The following ZBTB20 variants were observed in gnomAD, a reference collection of about 807,000 sequenced individuals.
The protein encoded by ZBTB20 is zinc finger and BTB domain containing 20.
Under a neutral mutation model 56.9 loss-of-function variants are expected in ZBTB20, and 9 were observed. That is an observed-to-expected ratio of 0.16 (90% CI 0.10 to 0.28). The LOEUF (loss-of-function observed/expected upper bound fraction) is 0.28, where lower values mean the gene tolerates loss of function less well. Among genes scored for constraint, ZBTB20 ranks in the 10% least tolerant of loss-of-function variants. The pLI, the probability that ZBTB20 is intolerant of heterozygous loss-of-function variation, is 1.00. For synonymous variants in ZBTB20, 417 were observed against 420.7 expected, an observed-to-expected ratio of 0.99 and a Z score of 0.11; for missense variants, 655 against 1,003.0, an observed-to-expected ratio of 0.65 and a Z score of 4.69.
intron 2 of ZBTB20, among the ~76,000 whole-genome samples, chr3:114,995,446 G>T (rs2078986576): frequency 6.6e-6 from 1 of 151,750 alleles, no homozygotes; most frequent in Non-Finnish European, 1.5e-5. Context: ...GTTACTGTTA[G>T]ACCTGCTTTT....
chr3:114,701,640 C>T (rs150345862), intron 5 of ZBTB20, among the ~76,000 whole-genome samples: 2 of 152,158 alleles, frequency 1.3e-5, no homozygotes, highest in East Asian at 3.9e-4. Flanking sequence ...GGAAACAGAG[C>T]TAATTTAAAA....
At chr3:115,069,379 G>A (rs1383165411) in intron 2 of ZBTB20, among the ~76,000 whole-genome samples, 1 of 152,094 alleles carries the variant, frequency 6.6e-6, no homozygotes, top group Admixed American at 6.6e-5. Context: ...GAAACACGTT[G>A]GCTAGATCTA....
chr3:114,640,739 A>G (rs1432590063), intron 6 of ZBTB20, among the ~76,000 whole-genome samples: 2 of 152,066 alleles, frequency 1.3e-5, no homozygotes, highest in Non-Finnish European at 2.9e-5. Context: ...ATTAAAGTAG[A>G]CTCTATTGGC....
chr3:114,379,854 G>A (rs2084098228), intron 10 of ZBTB20, among the ~76,000 whole-genome samples: 1 of 152,144 alleles, frequency 6.6e-6, no homozygotes, highest in South Asian at 2.1e-4. Flanking sequence ...GTGTCTAACT[G>A]GCCTTCTGAG....
At chr3:114,515,547 C>A (rs1053874719) in intron 6 of ZBTB20, among the ~76,000 whole-genome samples, 1 of 152,124 alleles carries the variant, frequency 6.6e-6, no homozygotes, top group Non-Finnish European at 1.5e-5. Context: ...AGTCAGTTTC[C>A]TTTTTCACTC....
chr3:114,857,285 C>T (rs1468226513), intron 4 of ZBTB20, among the ~76,000 whole-genome samples: 1 of 152,206 alleles, frequency 6.6e-6, no homozygotes, highest in Admixed American at 6.5e-5. Context: ...CTTCTAAGTG[C>T]TCTCTACCTA....
chr3:114,477,191 T>C (rs924570303), intron 7 of ZBTB20, among the ~76,000 whole-genome samples: 2 of 152,244 alleles, frequency 1.3e-5, no homozygotes, highest in African/African-American at 4.8e-5. Context: ...GCACCATTTC[T>C]ATCTCCAGGC....
chr3:114,961,988 T>C (rs905600890), intron 3 of ZBTB20, among the ~76,000 whole-genome samples: 2 of 152,148 alleles, frequency 1.3e-5, no homozygotes, highest in South Asian at 2.1e-4. Flanking sequence ...ACGGGAAAAA[T>C]GAAGGATAGA....
At chr3:115,069,822 G>A (rs571483919) in intron 2 of ZBTB20, among the ~76,000 whole-genome samples, 77 of 149,476 alleles carry the variant, frequency 5.2e-4, no homozygotes, top group African/African-American at 1.7e-3. Context: ...ATTGCTCTAT[G>A]TACTATACAT....
chr3:114,518,338 C>CCCTAATCT (rs1312154824), intron 6 of ZBTB20, among the ~76,000 whole-genome samples: 1 of 151,834 alleles, frequency 6.6e-6, no homozygotes, highest in Non-Finnish European at 1.5e-5. Flanking sequence ...GAAAAAAAAC[C>CCCTAATCT]CCTAATCTCA....
At chr3:114,807,844 CT>C (rs2072231765) in intron 4 of ZBTB20, among the ~76,000 whole-genome samples, 1 of 152,066 alleles carries the variant, frequency 6.6e-6, no homozygotes, top group Non-Finnish European at 1.5e-5. Context: ...GATAAATCCT[CT>C]GTGGTCAGCA....
At chr3:114,355,367 T>C (rs1223904012) in intron 10 of ZBTB20, among the ~76,000 whole-genome samples, 1 of 152,116 alleles carries the variant, frequency 6.6e-6, no homozygotes, top group East Asian at 1.9e-4. Flanking sequence ...ACATGCCTGG[T>C]TGAATTTTAT....
intron 6 of ZBTB20, among the ~76,000 whole-genome samples, chr3:114,568,751 G>T (rs192054626): frequency 2.0e-5 from 3 of 152,342 alleles, no homozygotes; most frequent in Admixed American, 2.0e-4. Context: ...TGAATGACCT[G>T]AATGCAAGCC....
At position 114,970,741 on chromosome 3, in the gene ZBTB20, G is replaced by A. The variant is rs370484014; in HGVS notation, c.-456+3625C>T. Among the ~76,000 whole-genome samples the A allele has an allele frequency of 6.6e-5, 10 of 152,176 alleles. No homozygotes were observed. The East Asian group carries it at 9.7e-4, about 15-fold the overall frequency. ...GCTTAAAAGAAATAATGCAGCCGGG[G>A]GCGGTGGCTCACGCCTGTAATCCCA... On this transcript the variant is annotated intron_variant, in intron 3 of 11. Coordinates refer to ENST00000675478, the MANE Select transcript of ZBTB20 (RefSeq NM_001348800.3).
Position 115,133,245 on chromosome 3 carries a change from T to C in ZBTB20, c.-703+13974A>G, listed in dbSNP as rs185042843. 9.8e-5 allele frequency among the ~76,000 whole-genome samples: 15 copies of C among 152,316 alleles called. No homozygotes were observed. The East Asian group carries it at 2.9e-3, about 29-fold the overall frequency. ...CATTTGTATTTGACTAAAAGTCCTT[T>C]TATTTCTCAAGGGTTTTAAATTTGT... On this transcript the variant is annotated intron_variant, in intron 1 of 11. Coordinates refer to ENST00000675478, the MANE Select transcript of ZBTB20 (RefSeq NM_001348800.3).
chr3:115,146,976 G>T (rs1180995945), intron 1 of ZBTB20, among the ~76,000 whole-genome samples: 1 of 150,374 alleles, frequency 6.7e-6, no homozygotes, highest in Admixed American at 6.6e-5. Context: ...GAAGGGCGCC[G>T]GGGGAGGGGG....
chr3:114,805,945 G>A (rs1338125285), intron 4 of ZBTB20, among the ~76,000 whole-genome samples: 1 of 151,608 alleles, frequency 6.6e-6, no homozygotes, highest in African/African-American at 2.4e-5. Flanking sequence ...TTTTACTGAT[G>A]AATACTATTC....
intron 5 of ZBTB20, among the ~76,000 whole-genome samples, chr3:114,748,162 C>G (rs2067208168): frequency 6.6e-6 from 1 of 151,916 alleles, no homozygotes; most frequent in African/African-American, 2.4e-5. Flanking sequence ...GAGATACTGC[C>G]CAGGAAAAGT....
chr3:114,552,984 G>T (rs59365855), intron 6 of ZBTB20, among the ~76,000 whole-genome samples: 1 of 152,148 alleles, frequency 6.6e-6, no homozygotes, highest in Non-Finnish European at 1.5e-5. Flanking sequence ...GTCACTCCAA[G>T]AAGTGTCCTC....
Sources: gnomAD v4.1 joint callset for allele counts (sites outside exome capture counted in the v4.1 genomes callset) on GRCh38, gnomAD v4.1.1 for gene constraint, MANE v1.5 for transcripts, NCBI Gene and HGNC (gene_info 2026-07-23, HGNC 2026-07-21) for gene names.